The following GABRA3 variants were observed in gnomAD, a reference collection of about 807,000 sequenced individuals.
The protein encoded by GABRA3 is gamma-aminobutyric acid receptor subunit alpha-3.
In GABRA3, 10 loss-of-function variants were observed where a neutral mutation model predicts 30.1. That is an observed-to-expected ratio of 0.33 (90% CI 0.20 to 0.56). The LOEUF (loss-of-function observed/expected upper bound fraction) is 0.56, where lower values mean the gene tolerates loss of function less well. Among genes scored for constraint, GABRA3 ranks in the 20% least tolerant of loss-of-function variants. GABRA3 has a pLI of 0.89. For synonymous variants in GABRA3, 151 were observed against 146.8 expected, an observed-to-expected ratio of 1.03 and a Z score of -0.21; for missense variants, 233 against 392.0, an observed-to-expected ratio of 0.59 and a Z score of 3.42.
intron 4 of GABRA3, among the ~76,000 whole-genome samples, chrX:152,259,383 A>G (rs899475010): frequency 3.6e-5 from 4 of 111,589 alleles, no homozygotes; most frequent in Non-Finnish European, 7.5e-5. Context: ...CATGTGACCT[A>G]TGGAGACACC....
At chrX:152,274,291 T>C (rs1176558904) in intron 4 of GABRA3, among the ~76,000 whole-genome samples, 2 of 110,989 alleles carry the variant, frequency 1.8e-5, no homozygotes, top group African/African-American at 6.6e-5. Context: ...TTTAAAAAAT[T>C]AGAACAACCC....
In GABRA3 at chrX:152,410,814, T is replaced by C. The variant is rs373448855; in HGVS notation, c.-27+40332A>G. On this transcript the variant is annotated intron_variant, in intron 1 of 9. Coordinates refer to ENST00000370314, the MANE Select transcript of GABRA3 (RefSeq NM_000808.4). The stretch of plus-strand genomic sequence containing the variant: ...AATCACACAAAAATACAAGAAAATA[T>C]GTGTCATTCACAACAAAAAAGAAAA... 4.9e-4 allele frequency among the ~76,000 whole-genome samples: 54 copies of C among 110,811 alleles called. No individual in the cohort carries two copies. In the East Asian group the frequency reaches 9.1e-3, roughly 19 times the overall value.
intron 6 of GABRA3, among the ~76,000 whole-genome samples, chrX:152,210,965 G>T (rs894008080): frequency 7.2e-5 from 8 of 111,227 alleles, no homozygotes; most frequent in Admixed American, 6.7e-4. Flanking sequence ...CACGGTCTGC[G>T]AAATGTGATT....
chrX:152,284,601 G>GAA, intron 4 of GABRA3, 67 bp downstream of exon 4: 2 of 755,349 alleles, frequency 2.6e-6, no homozygotes, highest in Non-Finnish European at 3.9e-6. Context: ...CCTGCCTTAG[G>GAA]AAAGCTCCAA....
At chrX:152,356,918 T>C (rs1940558882) in intron 2 of GABRA3, among the ~76,000 whole-genome samples, 1 of 112,060 alleles carries the variant, frequency 8.9e-6, no homozygotes, top group Non-Finnish European at 1.9e-5. Context: ...GCAAATGACA[T>C]GATCTCGTTC....
At chrX:152,255,338 T>A (rs1938619391) in intron 5 of GABRA3, among the ~76,000 whole-genome samples, 1 of 112,221 alleles carries the variant, frequency 8.9e-6, no homozygotes, top group African/African-American at 3.2e-5. Context: ...AAAATACCCA[T>A]AGTTATCTCA....
At chrX:152,307,014 A>T (rs941071275) in intron 3 of GABRA3, among the ~76,000 whole-genome samples, 9 of 110,104 alleles carry the variant, frequency 8.2e-5, no homozygotes, top group African/African-American at 3.0e-4. Context: ...TACACTGTTC[A>T]CTCTTATTCC....
chrX:152,292,150 T>C (rs1221934439), intron 3 of GABRA3, among the ~76,000 whole-genome samples: 1 of 111,033 alleles, frequency 9.0e-6, no homozygotes, highest in East Asian at 2.8e-4. Flanking sequence ...GGTCCTGGAC[T>C]TTTTTTTAGT....
chrX:152,216,644 G>A (rs1937730670), intron 6 of GABRA3, among the ~76,000 whole-genome samples: 1 of 109,373 alleles, frequency 9.1e-6, no homozygotes, highest in Non-Finnish European at 1.9e-5. Context: ...GCTGGGGAAG[G>A]AGAAGAGAGA....
intron 3 of GABRA3, among the ~76,000 whole-genome samples, chrX:152,329,786 G>T (rs59618754): frequency 2.7e-5 from 3 of 110,955 alleles, no homozygotes; most frequent in African/African-American, 9.9e-5. Flanking sequence ...CACAGGCATG[G>T]GCAAGGACTT....
At chrX:152,406,431 C>T (rs1329749301) in intron 1 of GABRA3, among the ~76,000 whole-genome samples, 7 of 106,969 alleles carry the variant, frequency 6.5e-5, no homozygotes, top group East Asian at 2.9e-4. Context: ...GAAGGATTAG[C>T]TATCTTATAT....
chrX:152,411,160 A>T (rs1930062466), intron 1 of GABRA3, among the ~76,000 whole-genome samples: 1 of 110,551 alleles, frequency 9.0e-6, no homozygotes, highest in Non-Finnish European at 1.9e-5. Context: ...ATTAAAAAAT[A>T]AGAAATCAGG....
chrX:152,344,452 C>T (rs546623813), intron 3 of GABRA3, among the ~76,000 whole-genome samples: 11 of 111,558 alleles, frequency 9.9e-5, no homozygotes, highest in African/African-American at 3.3e-4. Flanking sequence ...GAATAATAAT[C>T]GCTTTAGAAA....
chrX:152,187,738 A>C (rs1937274160), intron 9 of GABRA3, among the ~76,000 whole-genome samples: 1 of 111,970 alleles, frequency 8.9e-6, no homozygotes, highest in South Asian at 3.7e-4. Flanking sequence ...CTATCCTGCT[A>C]ACTCTCTCAG....
intron 3 of GABRA3, among the ~76,000 whole-genome samples, chrX:152,344,643 A>G (rs1940363997): frequency 8.9e-6 from 1 of 112,095 alleles, no homozygotes; most frequent in Non-Finnish European, 1.9e-5. Context: ...GTAAACATCT[A>G]CATTAACATT....
chrX:152,392,786 G>A (rs1929526780), intron 1 of GABRA3, among the ~76,000 whole-genome samples: 1 of 112,204 alleles, frequency 8.9e-6, no homozygotes, highest in African/African-American at 3.2e-5. Flanking sequence ...ACACTATTAC[G>A]TAGCATTTAT....
chrX:152,315,983 C>T (rs1425247233), intron 3 of GABRA3, among the ~76,000 whole-genome samples: 1 of 86,927 alleles, frequency 1.2e-5, no homozygotes, highest in Non-Finnish European at 2.3e-5. Flanking sequence ...CCCCCCCCCC[C>T]CCACCACATG....
chrX:152,293,290 C>T (rs958307632), intron 3 of GABRA3, among the ~76,000 whole-genome samples: 7 of 111,536 alleles, frequency 6.3e-5, no homozygotes, highest in African/African-American at 2.0e-4. Context: ...GAATGGATCC[C>T]TTTACCATTA....
At chrX:152,284,932 C>G in intron 3 of GABRA3, among the ~76,000 whole-genome samples, 197 bp from the exon 4 acceptor site, 1 of 111,584 alleles carries the variant, frequency 9.0e-6, no homozygotes, top group Non-Finnish European at 1.9e-5. Context: ...CCTTTAGTAT[C>G]ATTGAAAATG....
Sources: gnomAD v4.1 joint callset for allele counts (sites outside exome capture counted in the v4.1 genomes callset) on GRCh38, gnomAD v4.1.1 for gene constraint, MANE v1.5 for transcripts, NCBI Gene and HGNC (gene_info 2026-07-23, HGNC 2026-07-21) for gene names.